Variants in OCM2 observed in about 807,000 individuals in gnomAD.
OCM2 encodes oncomodulin-2.
In OCM2, 6 loss-of-function variants were observed where a neutral mutation model predicts 13.6. The ratio of observed to expected loss-of-function variants is 0.44; its 90% CI spans 0.24 to 0.87. The LOEUF (loss-of-function observed/expected upper bound fraction) is 0.87. OCM2 is among the 40% of genes least tolerant of loss of function. The pLI is 0.22. For missense variants in OCM2, 118 were observed against 136.8 expected, an observed-to-expected ratio of 0.86 and a Z score of 0.68; for synonymous variants, 40 against 50.7, an observed-to-expected ratio of 0.79 and a Z score of 0.90.
At chr7:97,985,567 T>C (rs1794662991) in intron 3 of OCM2, among the ~76,000 whole-genome samples, 1 of 152,212 alleles carries the variant, frequency 6.6e-6, no homozygotes, top group Non-Finnish European at 1.5e-5. Context: ...GGTCTTTGAA[T>C]TAGAACTTGT....
intron 3 of OCM2, among the ~76,000 whole-genome samples, chr7:97,985,653 T>C (rs1794663961): frequency 6.6e-6 from 1 of 152,174 alleles, no homozygotes; most frequent in Admixed American, 6.5e-5. Context: ...ATTTAACTTT[T>C]TGTCTGCAGA....
chr7:97,985,592 C>A (rs772841648), intron 3 of OCM2, among the ~76,000 whole-genome samples: 2 of 152,150 alleles, frequency 1.3e-5, no homozygotes, highest in Non-Finnish European at 2.9e-5. Flanking sequence ...CCCATCATTT[C>A]TCCCTGATAA....
chr7:97,987,513 C>T (rs1241236665), intron 2 of OCM2, among the ~76,000 whole-genome samples: 2 of 151,704 alleles, frequency 1.3e-5, no homozygotes. Context: ...GCCCCACTAA[C>T]ATTTGTATTT....
At chr7:97,988,167 G>A (rs1441907178) in intron 2 of OCM2, among the ~76,000 whole-genome samples, 1 of 150,152 alleles carries the variant, frequency 6.7e-6, no homozygotes, top group African/African-American at 2.4e-5. Flanking sequence ...CTCCAGCCTG[G>A]GTGACAGTGA....
intron 1 of OCM2, 28 bp downstream of exon 1, chr7:97,990,016 T>TCCCCCCCC: frequency 3.4e-5 from 37 of 1,083,824 alleles, no homozygotes; most frequent in Non-Finnish European, 4.8e-5. Context: ...TGTGAGGAAA[T>TCCCCCCCC]CCCACCCCCG....
chr7:97,989,742 A>C lies in OCM2; in HGVS notation c.61+302T>G, dbSNP rs1323109320. Among the ~76,000 whole-genome samples the C allele has an allele frequency of 5.3e-5, 8 of 149,956 alleles. No individual in the cohort carries two copies. The East Asian group carries it at 1.6e-3, about 30-fold the overall frequency. On this transcript the variant is annotated intron_variant, in intron 1 of 3. Coordinates refer to ENST00000257627, the Ensembl canonical transcript of OCM2. ...TTTTTTTTTTGTAGACAGAGTCTAC[A>C]AAAAAGGCCGGGTTCAAGCAATTCT...
chr7:97,984,894 C>T (rs1457712809), exon 4 of OCM2: 1 of 1,483,178 alleles, frequency 6.7e-7, no homozygotes, highest in Admixed American at 1.8e-5. Flanking sequence ...TTCCCCATTC[C>T]CAGGGCTTTG....
intron 1 of OCM2, 29 bp downstream of exon 1, chr7:97,990,015 A>AGGGG: frequency 1.0e-5 from 8 of 780,794 alleles, no homozygotes; most frequent in Non-Finnish European, 1.7e-5. Context: ...CTGTGAGGAA[A>AGGGG]TCCCACCCCC....
intron 1 of OCM2, among the ~76,000 whole-genome samples, chr7:97,989,415 T>TTATC (rs1794708762): frequency 6.6e-6 from 1 of 151,520 alleles, no homozygotes; most frequent in Non-Finnish European, 1.5e-5. Flanking sequence ...ATTTATTTAT[T>TTATC]TAGAGACAGA....
chr7:97,987,850 G>A (rs1451181527), intron 2 of OCM2, among the ~76,000 whole-genome samples: 2 of 151,832 alleles, frequency 1.3e-5, no homozygotes, highest in African/African-American at 4.8e-5. Flanking sequence ...GCTTAGCCAA[G>A]TTTTTAGTTT....
chr7:97,987,197 C>T (rs376681631), intron 2 of OCM2, 41 bp from the exon 3 acceptor site: 331 of 1,611,510 alleles, frequency 2.1e-4, no homozygotes, highest in Non-Finnish European at 2.7e-4. Flanking sequence ...TCAAAAAGGT[C>T]GTGCATCCCT....
intron 3 of OCM2, among the ~76,000 whole-genome samples, chr7:97,986,286 C>A (rs1290832029): frequency 4.6e-5 from 7 of 151,264 alleles, no homozygotes; most frequent in Admixed American, 6.6e-5. Context: ...GCATTAACTC[C>A]CATGTAGTAA....
At chr7:97,985,415 T>C (rs112903253) in intron 3 of OCM2, among the ~76,000 whole-genome samples, 1 of 56,680 alleles carries the variant, frequency 1.8e-5, no homozygotes, top group East Asian at 7.1e-4. Flanking sequence ...CCAGACTCCA[T>C]CTCAAAAAAA....
chr7:97,990,016 T>TGGGGCCCCCCC, intron 1 of OCM2, 28 bp downstream of exon 1: 1 of 1,083,840 alleles, frequency 9.2e-7, no homozygotes, highest in Non-Finnish European at 1.4e-6. Flanking sequence ...TGTGAGGAAA[T>TGGGGCCCCCCC]CCCACCCCCG....
chr7:97,988,530 G>A (rs1794695615), exon 2 of OCM2: 5 of 1,614,110 alleles, frequency 3.1e-6, no homozygotes, highest in Non-Finnish European at 4.2e-6. Flanking sequence ...GAATTTTTGG[G>A]GTTCAAAAGT....
chr7:97,990,026 G>T lies in OCM2; in HGVS notation c.61+18C>A. On this transcript the variant is annotated intron_variant, in intron 1 of 3. Coordinates refer to ENST00000257627, the Ensembl canonical transcript of OCM2. ...AAAGCTGTGAGGAAATCCCACCCCC[G>T]CCCCACGTCCCCTCTACCTTGGCAT... 11 of 581,022 alleles carry T rather than the reference G, an allele frequency of 1.9e-5. No homozygotes were observed. Among genetic ancestry groups the T allele is most frequent in the Non-Finnish European group, 2.8e-5 (10 of 358,696 alleles). 36.0% of individuals were successfully genotyped at this position (581,022 alleles called of 1,614,324 possible).
chr7:97,986,278 A>G (rs1794670226), intron 3 of OCM2, among the ~76,000 whole-genome samples: 1 of 151,748 alleles, frequency 6.6e-6, no homozygotes, highest in East Asian at 1.9e-4. Context: ...ATCTATCTGC[A>G]TTAACTCCCA....
intron 3 of OCM2, 96 bp from the exon 4 acceptor site, chr7:97,985,079 A>G (rs767149965): frequency 6.5e-7 from 1 of 1,535,350 alleles, no homozygotes; most frequent in South Asian, 1.1e-5. Context: ...GGAAGGAAGC[A>G]AAGAAAATTG....
exon 4 of OCM2, chr7:97,984,904 G>A (rs1794654945): frequency 2.2e-5 from 34 of 1,538,340 alleles, no homozygotes; most frequent in Admixed American, 3.5e-5. Context: ...CCAGGGCTTT[G>A]GAATCCTTCC....
Sources: gnomAD v4.1 joint callset for allele counts (sites outside exome capture counted in the v4.1 genomes callset) on GRCh38, gnomAD v4.1.1 for gene constraint, MANE v1.5 for transcripts, NCBI Gene and HGNC (gene_info 2026-07-23, HGNC 2026-07-21) for gene names.